The following NCKAP5 variants were observed in gnomAD, a reference collection of about 807,000 sequenced individuals.
NCKAP5 encodes the protein nck-associated protein 5.
In NCKAP5, 92 loss-of-function variants were observed where a neutral mutation model predicts 167.0. The ratio of observed to expected loss-of-function variants is 0.55; its 90% CI spans 0.47 to 0.66. The LOEUF is 0.66. Among genes scored for constraint, NCKAP5 ranks in the 30% least tolerant of loss-of-function variants. The pLI is 0.00. For synonymous variants in NCKAP5, 891 were observed against 877.4 expected (o/e 1.02, Z -0.27); for missense variants, 2,378 against 2,315.0 (o/e 1.03, Z -0.56).
chr2:133,113,614 C>G (rs752420996), intron 6 of NCKAP5, among the ~76,000 whole-genome samples: 2 of 152,192 alleles, frequency 1.3e-5, no homozygotes, highest in Non-Finnish European at 2.9e-5. Context: ...TCTGTGCCTC[C>G]CCTCTGCCTC....
the NCKAP5 span, among the ~76,000 whole-genome samples, chr2:133,584,036 G>A: frequency 3.3e-5 from 5 of 152,208 alleles, no homozygotes; most frequent in South Asian, 8.3e-4. Context: ...TTACAGGCGT[G>A]AGCCACCGCA....
At chr2:133,332,664 ATAAAG>A (rs1314044535) in intron 3 of NCKAP5, among the ~76,000 whole-genome samples, 3 of 152,244 alleles carry the variant, frequency 2.0e-5, no homozygotes, top group East Asian at 3.8e-4. Context: ...GAGATTAATG[ATAAAG>A]TAAACAAATT....
chr2:133,290,264 A>G (rs1276825739), intron 4 of NCKAP5, among the ~76,000 whole-genome samples: 3 of 152,188 alleles, frequency 2.0e-5, no homozygotes, highest in African/African-American at 7.2e-5. Flanking sequence ...AAAACACACA[A>G]TATTTTAGGC....
chr2:133,209,032 C>T lies in NCKAP5; in HGVS notation c.207+4684G>A, dbSNP rs1385231395. On this transcript the variant is annotated intron_variant, in intron 5 of 19. Coordinates refer to ENST00000409261, the MANE Select transcript of NCKAP5 (RefSeq NM_207363.3). Reference sequence around the variant, plus strand: ...GGGAAAAATTTCTCTCTGATCTCTACCTCATGTCAAAATAATTCCATCTGA... The same window carrying T: ...GGGAAAAATTTCTCTCTGATCTCTATCTCATGTCAAAATAATTCCATCTGA... Among the ~76,000 whole-genome samples, 3 of 151,394 alleles carry T rather than the reference C, an allele frequency of 2.0e-5. No individual in the cohort carries two copies. In the Admixed American group the frequency reaches 2.0e-4, roughly 10 times the overall value.
At chr2:132,939,871 G>A (rs1287474806) in intron 8 of NCKAP5, among the ~76,000 whole-genome samples, 2 of 152,062 alleles carry the variant, frequency 1.3e-5, no homozygotes, top group East Asian at 1.9e-4. Flanking sequence ...GTGGTGGTGG[G>A]TGCCTGTAAC....
chr2:133,650,866 A>G, the NCKAP5 span, among the ~76,000 whole-genome samples: 1 of 152,200 alleles, frequency 6.6e-6, no homozygotes, highest in Admixed American at 6.5e-5. Context: ...TGGGTGAGAG[A>G]GCAAGACTCT....
chr2:133,058,820 A>G (rs1178914782), intron 6 of NCKAP5, among the ~76,000 whole-genome samples: 2 of 152,218 alleles, frequency 1.3e-5, no homozygotes, highest in Non-Finnish European at 2.9e-5. Context: ...ATAAAATGCT[A>G]TCAAACAGCC....
rs1012840508 is a variant in NCKAP5 at position 133,113,208 on chromosome 2, T to G, written c.341+16770A>C. ...GATAGTTTACACAATTGGAGTTTTTTTTTTTTTTTCTTGAATATGTTTCAA... is the reference window on the plus strand; with the variant it reads ...GATAGTTTACACAATTGGAGTTTTTGTTTTTTTTTCTTGAATATGTTTCAA... On this transcript the variant is annotated intron_variant, in intron 6 of 19. Transcript: ENST00000409261. 5.1e-4 allele frequency among the ~76,000 whole-genome samples: 77 copies of G among 152,212 alleles called. 1 individual carries two copies. The highest frequency in any genetic ancestry group is 1.3e-4 in the Non-Finnish European group (9 of 68,002).
intron 6 of NCKAP5, among the ~76,000 whole-genome samples, chr2:133,032,235 G>A (rs1296949357): frequency 6.6e-6 from 1 of 152,190 alleles, no homozygotes; most frequent in Non-Finnish European, 1.5e-5. Flanking sequence ...GAAGGGCAAT[G>A]CCCTGAAGGG....
intron 3 of NCKAP5, among the ~76,000 whole-genome samples, chr2:133,440,458 C>A (rs1236382199): frequency 6.6e-6 from 1 of 151,994 alleles, no homozygotes; most frequent in Non-Finnish European, 1.5e-5. Context: ...CACCTGTAAT[C>A]CCAGCACTTT....
intron 4 of NCKAP5, among the ~76,000 whole-genome samples, chr2:133,282,802 C>A (rs1474044698): frequency 6.6e-6 from 1 of 152,140 alleles, no homozygotes; most frequent in Non-Finnish European, 1.5e-5. Flanking sequence ...GAAAGTCAAC[C>A]CAACAATTAT....
At chr2:133,609,856 G>A in the NCKAP5 span, among the ~76,000 whole-genome samples, 1 of 152,168 alleles carries the variant, frequency 6.6e-6, no homozygotes, top group Non-Finnish European at 1.5e-5. Context: ...TGTGTCAAGA[G>A]TGACTCATAA....
intron 8 of NCKAP5, among the ~76,000 whole-genome samples, chr2:132,880,868 T>C (rs1313434296): frequency 6.6e-6 from 1 of 152,200 alleles, no homozygotes; most frequent in Non-Finnish European, 1.5e-5. Flanking sequence ...TTCCATTTCT[T>C]TTCTGTACCT....
In NCKAP5 at chr2:132,829,552, A is replaced by G. The variant is rs1472446722; in HGVS notation, c.807+30940T>C. Among the ~76,000 whole-genome samples the G allele has an allele frequency of 3.9e-5, 6 of 152,352 alleles. No individual in the cohort carries two copies. In the East Asian group the frequency reaches 1.2e-3, roughly 29 times the overall value. On this transcript the variant is annotated intron_variant, in intron 11 of 19. Coordinates refer to ENST00000409261, the MANE Select transcript of NCKAP5 (RefSeq NM_207363.3). ...CTGCAGAGTGAGCATGCCTGACAAG[A>G]GGCCTTACAGCCAGCTCTTTGCTAA... is the stretch of plus-strand genomic sequence containing the variant.
rs147239014 is a variant in NCKAP5, at chr2:133,514,706, C to T, written c.69+2752G>A. ...GCAATGGAATTTTAAGACTTAAGAA[C>T]GTAATATGTTTCTCTTTCCTCTATT... On this transcript the variant is annotated intron_variant, in intron 3 of 19. Coordinates refer to ENST00000409261, the MANE Select transcript of NCKAP5 (RefSeq NM_207363.3). 9.2e-3 allele frequency among the ~76,000 whole-genome samples: 1,402 copies of T among 152,076 alleles called. 44 individuals are homozygous for T. Among genetic ancestry groups the T allele is most frequent in the Admixed American group, 0.061 (937 of 15,264 alleles).
rs141511276 is a variant in NCKAP5 at position 133,283,145 on chromosome 2, C to A, written c.143+19892G>T. Among the ~76,000 whole-genome samples, 283 of 152,126 alleles carry A rather than the reference C, an allele frequency of 1.9e-3. 1 individual carries two copies. The highest frequency in any genetic ancestry group is 3.4e-3 in the Non-Finnish European group (231 of 67,996). On this transcript the variant is annotated intron_variant, in intron 4 of 19. Transcript: ENST00000409261. ...ATTTTTAATATGGAATTTGGGAATG[C>A]ATTTTGGTGGAGATGGCATTTTAAA... is the stretch of plus-strand genomic sequence containing the variant.
intron 3 of NCKAP5, among the ~76,000 whole-genome samples, chr2:133,484,705 A>C (rs998711834): frequency 5.3e-5 from 8 of 152,218 alleles, no homozygotes; most frequent in Admixed American, 5.2e-4. Context: ...AATACTATAT[A>C]AAATTACCTT....
At chr2:132,825,264 G>A (rs527271612) in intron 11 of NCKAP5, among the ~76,000 whole-genome samples, 133 of 152,112 alleles carry the variant, frequency 8.7e-4, no homozygotes, top group Non-Finnish European at 1.8e-3. Flanking sequence ...GCATGTTCAA[G>A]GTAAGCCACC....
chr2:133,219,874 A>G (rs878910987), intron 4 of NCKAP5, among the ~76,000 whole-genome samples: 2 of 152,174 alleles, frequency 1.3e-5, no homozygotes, highest in Admixed American at 6.5e-5. Flanking sequence ...CAAATTATCA[A>G]CTCAATCAAA....
Sources: allele counts gnomAD v4.1 joint callset (sites outside exome capture counted in the v4.1 genomes callset), GRCh38; gene constraint gnomAD v4.1.1; transcripts MANE v1.5; gene names NCBI Gene and HGNC (gene_info 2026-07-23, HGNC 2026-07-21).